RAPGEF4: variants seen among roughly 807,000 people sequenced by gnomAD.
RAPGEF4 encodes Rap guanine nucleotide exchange factor 4.
RAPGEF4 carries 66 observed loss-of-function variants against 147.9 expected under a neutral mutation model. The observed-to-expected ratio is 0.45, with a 90% CI of 0.37 to 0.55. The LOEUF is 0.55. Among genes scored for constraint, RAPGEF4 ranks in the 20% least tolerant of loss-of-function variants. RAPGEF4 has a pLI of 0.00. For missense variants in RAPGEF4, 1,071 were observed against 1,257.3 expected, an observed-to-expected ratio of 0.85 and a Z score of 2.24; for synonymous variants, 419 against 442.7, an observed-to-expected ratio of 0.95 and a Z score of 0.67.
chr2:172,929,763 A>C (rs898930661), intron 6 of RAPGEF4, among the ~76,000 whole-genome samples: 1 of 152,164 alleles, frequency 6.6e-6, no homozygotes, highest in African/African-American at 2.4e-5. Flanking sequence ...CACGTGAACA[A>C]ATAAGAACAG....
chr2:172,965,264 A>G (rs904989334), intron 8 of RAPGEF4: 9 of 371,452 alleles, frequency 2.4e-5, no homozygotes, highest in African/African-American at 1.2e-4. Context: ...TCCTCTGATT[A>G]GCTTGCCAGA....
chr2:172,969,656 G>T (rs1378734286), intron 10 of RAPGEF4, among the ~76,000 whole-genome samples: 1 of 152,248 alleles, frequency 6.6e-6, no homozygotes, highest in African/African-American at 2.4e-5. Context: ...TGCCCTTGGG[G>T]AGTTTATAAT....
chr2:172,901,177 C>T (rs1559108000), intron 4 of RAPGEF4, among the ~76,000 whole-genome samples: 2 of 152,172 alleles, frequency 1.3e-5, no homozygotes, highest in African/African-American at 2.4e-5. Flanking sequence ...AAGTGGGCCA[C>T]ACATGGGTTT....
chr2:172,766,796 T>C (rs1324033650), intron 1 of RAPGEF4, among the ~76,000 whole-genome samples: 2 of 152,218 alleles, frequency 1.3e-5, no homozygotes, highest in South Asian at 2.1e-4. Context: ...TTTTCTGTAA[T>C]TGTTTTGAGA....
chr2:172,920,712 G>A (rs907802017), intron 5 of RAPGEF4, among the ~76,000 whole-genome samples: 1 of 152,096 alleles, frequency 6.6e-6, no homozygotes, highest in Non-Finnish European at 1.5e-5. Flanking sequence ...ATGGTGATTT[G>A]TGCAACTGTG....
chr2:172,902,457 TAC>T (rs1441744748), intron 4 of RAPGEF4, among the ~76,000 whole-genome samples: 2 of 151,990 alleles, frequency 1.3e-5, no homozygotes, highest in East Asian at 3.9e-4. Flanking sequence ...CATGCCCCAC[TAC>T]AGTCAGTTAA....
chr2:173,017,201 G>A lies in RAPGEF4; in HGVS notation c.1926G>A (p.Lys642=). The A allele has an allele frequency of 1.2e-6, 2 of 1,613,350 alleles. No homozygotes were observed. The highest frequency in any genetic ancestry group is 1.7e-6 in the Non-Finnish European group (2 of 1,179,226). Residue 642 remains lysine, a synonymous_variant, in exon 20 of 31, where the codon AAG becomes AAA. Coordinates refer to ENST00000397081, the MANE Select transcript of RAPGEF4 (RefSeq NM_007023.4). ...CAGAAGATGCAAAGGCACCACAAAA[G>A]AAGGTAGGTGGCATGAACTTGCATT... The part of the protein sequence containing the change: ...QISEDAKAPQ[K]KHKVLLQQFN...
At chr2:172,823,573 C>T (rs1468792760) in intron 4 of RAPGEF4, among the ~76,000 whole-genome samples, 1 of 152,106 alleles carries the variant, frequency 6.6e-6, no homozygotes, top group Non-Finnish European at 1.5e-5. Flanking sequence ...GCCCTGTGGT[C>T]ATGGGACTTT....
At chr2:172,848,855 A>G (rs1459319913) in intron 4 of RAPGEF4, among the ~76,000 whole-genome samples, 8 of 152,182 alleles carry the variant, frequency 5.3e-5, no homozygotes, top group Non-Finnish European at 1.0e-4. Flanking sequence ...GGTGTATGTA[A>G]TTGAATCATA....
intron 4 of RAPGEF4, among the ~76,000 whole-genome samples, chr2:172,858,190 C>T (rs1693657571): frequency 6.6e-6 from 1 of 152,180 alleles, no homozygotes; most frequent in South Asian, 2.1e-4. Flanking sequence ...TCCTTCTTGA[C>T]TGTTTCCCTT....
At chr2:172,910,112 G>A (rs1036559616) in intron 4 of RAPGEF4, among the ~76,000 whole-genome samples, 2 of 152,234 alleles carry the variant, frequency 1.3e-5, no homozygotes, top group Non-Finnish European at 2.9e-5. Context: ...CATGGCCTCA[G>A]TGTTTGCTCA....
intron 1 of RAPGEF4, among the ~76,000 whole-genome samples, chr2:172,774,171 A>G (rs775635600): frequency 6.6e-6 from 1 of 152,210 alleles, no homozygotes; most frequent in Non-Finnish European, 1.5e-5. Flanking sequence ...GAAAAGCATG[A>G]CATATGGAGC....
chr2:172,930,412 A>G (rs1161197032), intron 6 of RAPGEF4, among the ~76,000 whole-genome samples: 1 of 152,152 alleles, frequency 6.6e-6, no homozygotes, highest in Non-Finnish European at 1.5e-5. Flanking sequence ...CTTCTTTTTT[A>G]AAATACAGAA....
intron 4 of RAPGEF4, among the ~76,000 whole-genome samples, chr2:172,833,678 C>T (rs1190713030): frequency 6.6e-6 from 1 of 152,144 alleles, no homozygotes; most frequent in African/African-American, 2.4e-5. Flanking sequence ...AAGAAACGTG[C>T]CCCTTTTGCC....
chr2:172,813,581 C>T (rs1246758621), intron 3 of RAPGEF4, among the ~76,000 whole-genome samples: 1 of 152,082 alleles, frequency 6.6e-6, no homozygotes, highest in Admixed American at 6.6e-5. Flanking sequence ...ACTGTGTGAA[C>T]TGGGGCTGTG....
intron 1 of RAPGEF4, among the ~76,000 whole-genome samples, chr2:172,743,355 G>A (rs941170858): frequency 3.9e-5 from 6 of 152,140 alleles, no homozygotes; most frequent in Non-Finnish European, 7.4e-5. Flanking sequence ...AGCTGCATCC[G>A]TGTGCACCCT....
chr2:172,766,790 CTGTAATTGTTT>C (rs1397251958), intron 1 of RAPGEF4, among the ~76,000 whole-genome samples: 1 of 152,122 alleles, frequency 6.6e-6, no homozygotes, highest in Admixed American at 6.5e-5. Flanking sequence ...ATACTCTTTT[CTGTAATTGTTT>C]TGAGATCTAT....
intron 12 of RAPGEF4, among the ~76,000 whole-genome samples, chr2:172,986,873 A>G (rs1268349109): frequency 6.6e-6 from 1 of 151,320 alleles, no homozygotes; most frequent in African/African-American, 2.4e-5. Flanking sequence ...TTTTTTTTGT[A>G]TTTTTAGTAG....
intron 4 of RAPGEF4, among the ~76,000 whole-genome samples, chr2:172,884,476 T>C (rs1459805901): frequency 6.6e-6 from 1 of 152,226 alleles, no homozygotes; most frequent in Non-Finnish European, 1.5e-5. Flanking sequence ...AAGAAACTTA[T>C]CTGAGATCAC....
Sources: allele counts gnomAD v4.1 joint callset (sites outside exome capture counted in the v4.1 genomes callset), GRCh38; gene constraint gnomAD v4.1.1; transcripts MANE v1.5; gene names NCBI Gene and HGNC (gene_info 2026-07-23, HGNC 2026-07-21).